Variants in TMEM135 observed in about 807,000 individuals in gnomAD.
TMEM135 encodes the protein peroxisomal membrane protein 52.
In TMEM135, 30 loss-of-function variants were observed where a neutral mutation model predicts 60.3. The observed-to-expected ratio is 0.50, with a 90% CI of 0.37 to 0.68. The LOEUF (loss-of-function observed/expected upper bound fraction) is 0.68, where lower values mean the gene tolerates loss of function less well. Ranked by LOEUF, TMEM135 falls within the 30% of genes least tolerant of loss-of-function variation. The pLI is 0.00. For synonymous variants in TMEM135, 190 were observed against 186.7 expected (o/e 1.02, Z -0.14); for missense variants, 468 against 548.8 (o/e 0.85, Z 1.47).
intron 5 of TMEM135, among the ~76,000 whole-genome samples, chr11:87,160,024 G>A (rs1428878577): frequency 6.6e-6 from 1 of 152,092 alleles, no homozygotes; most frequent in Non-Finnish European, 1.5e-5. Flanking sequence ...AATGTGCTAG[G>A]CCAGTACTGC....
At chr11:87,256,620 G>A (rs898169954) in intron 6 of TMEM135, among the ~76,000 whole-genome samples, 6 of 152,096 alleles carry the variant, frequency 3.9e-5, no homozygotes, top group African/African-American at 7.2e-5. Context: ...GTATTTTAGA[G>A]GACAATGGCC....
intron 4 of TMEM135, among the ~76,000 whole-genome samples, chr11:87,133,709 T>C (rs1938004246): frequency 6.6e-6 from 1 of 152,170 alleles, no homozygotes; most frequent in African/African-American, 2.4e-5. Context: ...TCCCTCCCAC[T>C]TTCCCAAACA....
intron 6 of TMEM135, among the ~76,000 whole-genome samples, chr11:87,250,745 T>G (rs2135390818): frequency 6.6e-6 from 1 of 152,334 alleles, no homozygotes; most frequent in South Asian, 2.1e-4. Context: ...GAACCTAGCC[T>G]AAATAAATCA....
chr11:87,055,272 A>G (rs1473492655), intron 1 of TMEM135, among the ~76,000 whole-genome samples: 1 of 152,210 alleles, frequency 6.6e-6, no homozygotes, highest in African/African-American at 2.4e-5. Context: ...ATCAAGAGAA[A>G]TAAGAAGCAA....
intron 5 of TMEM135, among the ~76,000 whole-genome samples, chr11:87,226,810 C>T (rs1413465776): frequency 6.6e-5 from 10 of 152,008 alleles, no homozygotes; most frequent in African/African-American, 1.7e-4. Flanking sequence ...TTTTAGAGTC[C>T]GAGGCAGGTG....
chr11:87,044,751 C>T (rs929342095), intron 1 of TMEM135, among the ~76,000 whole-genome samples: 2 of 151,618 alleles, frequency 1.3e-5, no homozygotes, highest in Non-Finnish European at 2.9e-5. Context: ...CCTGGGGTCA[C>T]GCCCTTCTCC....
chr11:87,156,727 A>G (rs1938705499), intron 4 of TMEM135, among the ~76,000 whole-genome samples: 1 of 152,130 alleles, frequency 6.6e-6, no homozygotes, highest in Non-Finnish European at 1.5e-5. Flanking sequence ...AAATTACTTT[A>G]TCTCCTGTCT....
intron 5 of TMEM135, 168 bp downstream of exon 5, chr11:87,157,574 T>C: frequency 1.7e-6 from 1 of 574,620 alleles, no homozygotes; most frequent in Admixed American, 3.2e-5. Context: ...TTCATAGTCA[T>C]GTTGGAACCA....
chr11:87,238,442 A>G (rs1283748834), intron 6 of TMEM135, among the ~76,000 whole-genome samples: 1 of 152,032 alleles, frequency 6.6e-6, no homozygotes, highest in East Asian at 1.9e-4. Context: ...TTGAACTGCA[A>G]AAGATTTTGT....
At chr11:87,053,413 G>T (rs576947024) in intron 1 of TMEM135, among the ~76,000 whole-genome samples, 1 of 152,246 alleles carries the variant, frequency 6.6e-6, no homozygotes, top group East Asian at 1.9e-4. Context: ...AGTGAAAAAT[G>T]TGGTAAGACC....
chr11:87,085,570 A>G (rs1402013584), intron 3 of TMEM135, among the ~76,000 whole-genome samples: 1 of 152,142 alleles, frequency 6.6e-6, no homozygotes, highest in Admixed American at 6.5e-5. Flanking sequence ...CAGCCTGGCC[A>G]ACATGGTGAA....
chr11:87,055,859 C>A (rs769370733), intron 1 of TMEM135, among the ~76,000 whole-genome samples: 1 of 152,020 alleles, frequency 6.6e-6, no homozygotes, highest in East Asian at 1.9e-4. Context: ...GGAAAGGGAT[C>A]CTGATTTAGA....
chr11:87,140,946 G>T (rs2135245141), intron 4 of TMEM135, among the ~76,000 whole-genome samples: 2 of 151,784 alleles, frequency 1.3e-5, no homozygotes, highest in South Asian at 4.2e-4. Context: ...ATATAGTGTT[G>T]GGTCTATTTT....
intron 6 of TMEM135, among the ~76,000 whole-genome samples, chr11:87,253,204 C>T (rs114075643): frequency 2.7e-4 from 41 of 152,160 alleles, no homozygotes; most frequent in African/African-American, 9.4e-4. Context: ...ACCTGTCAGT[C>T]TTTGAGGTAG....
chr11:87,064,274 T>C (rs927574859), intron 1 of TMEM135, among the ~76,000 whole-genome samples: 2 of 152,012 alleles, frequency 1.3e-5, no homozygotes, highest in African/African-American at 4.8e-5. Context: ...TTTTTTTTTT[T>C]TTTACACAAA....
intron 5 of TMEM135, among the ~76,000 whole-genome samples, chr11:87,196,828 G>A (rs890271437): frequency 1.3e-5 from 2 of 151,998 alleles, no homozygotes; most frequent in Non-Finnish European, 2.9e-5. Context: ...TATGTTTAGT[G>A]GCTTGTAAAA....
chr11:87,038,498 C>G (rs910685699), intron 1 of TMEM135, among the ~76,000 whole-genome samples: 1 of 151,900 alleles, frequency 6.6e-6, no homozygotes, highest in Non-Finnish European at 1.5e-5. Flanking sequence ...ATTCAAAGAC[C>G]AGCCTTATTT....
intron 5 of TMEM135, among the ~76,000 whole-genome samples, chr11:87,202,348 C>A (rs895243486): frequency 6.6e-6 from 1 of 152,008 alleles, no homozygotes; most frequent in Non-Finnish European, 1.5e-5. Flanking sequence ...TTTTTTGAGA[C>A]AAGGTCTGGC....
chr11:87,230,347 T>C (rs910340230), intron 5 of TMEM135, among the ~76,000 whole-genome samples: 8 of 152,104 alleles, frequency 5.3e-5, no homozygotes, highest in Non-Finnish European at 1.2e-4. Context: ...AAAACAGCAA[T>C]TTCAGAATTA....
Sources: gnomAD v4.1 joint callset for allele counts (sites outside exome capture counted in the v4.1 genomes callset) on GRCh38, gnomAD v4.1.1 for gene constraint, MANE v1.5 for transcripts, NCBI Gene and HGNC (gene_info 2026-07-23, HGNC 2026-07-21) for gene names.